Variants in HESX1 observed in about 807,000 individuals in gnomAD.
HESX1 encodes homeobox expressed in ES cells 1.
A neutral mutation model predicts 22.5 loss-of-function variants in HESX1; 11 were observed. That is an observed-to-expected ratio of 0.49 (90% CI 0.31 to 0.81). The LOEUF is 0.81. Among genes scored for constraint, HESX1 ranks in the 30% least tolerant of loss-of-function variants. The pLI is 0.05. For synonymous variants in HESX1, 74 were observed against 76.5 expected (o/e 0.97, Z 0.17); for missense variants, 201 against 212.6 (o/e 0.95, Z 0.34).
At chr3:57,201,228 G>A (rs757956514), upstream of HESX1, among the ~76,000 whole-genome samples, 3 of 152,042 alleles carry the variant, frequency 2.0e-5, no homozygotes, top group Non-Finnish European at 2.9e-5. Context: ...GAAAGCTCTC[G>A]GGTAAATAAA....
rs374187836 is a variant in HESX1, at chr3:57,198,927, A to G, written c.183T>C (p.His61=). 3.9e-4 allele frequency: 631 copies of G among 1,614,144 alleles called. 12 individuals are homozygous for G. In the South Asian group the frequency reaches 6.5e-3, roughly 17 times the overall value. The stretch of plus-strand genomic sequence containing the variant: ...AAATCCCACTGGGAGGATTTGGGAC[A>G]TGTAGACATAAGTTACCATCTTTCC... ...SSGKDGNLCL[H]VPNPPSGISF... Residue 61 remains histidine, a synonymous_variant, in exon 2 of 4, where the codon CAT becomes CAC. Transcript: ENST00000295934.
upstream of HESX1, among the ~76,000 whole-genome samples, chr3:57,204,288 T>C (rs2060507499): frequency 6.6e-6 from 1 of 152,212 alleles, no homozygotes; most frequent in Non-Finnish European, 1.5e-5. Flanking sequence ...AGAGTAGCTG[T>C]TGACAACAGG....
chr3:57,226,561 C>G (rs1346752053), upstream of HESX1: 1 of 152,154 alleles, frequency 6.6e-6, no homozygotes, highest in Non-Finnish European at 1.5e-5. Context: ...CTCAACAAAA[C>G]TTTAAAAATA....
At chr3:57,211,688 C>A (rs996828874) in intron 1 of HESX1, among the ~76,000 whole-genome samples, 1 of 151,876 alleles carries the variant, frequency 6.6e-6, no homozygotes, top group Non-Finnish European at 1.5e-5. Context: ...CAAAAATTAG[C>A]CGGACGTAGT....
intron 1 of HESX1, among the ~76,000 whole-genome samples, chr3:57,205,005 T>A (rs770322487): frequency 6.6e-6 from 1 of 152,072 alleles, no homozygotes; most frequent in Non-Finnish European, 1.5e-5. Flanking sequence ...TACAATAGCA[T>A]CTCTAGTGGT....
upstream of HESX1, chr3:57,200,009 T>G: frequency 9.1e-7 from 1 of 1,101,954 alleles, no homozygotes; most frequent in Admixed American, 1.7e-5. Context: ...GTTCACCTTA[T>G]AGCTCCGCTG....
intron 1 of HESX1, among the ~76,000 whole-genome samples, chr3:57,208,998 T>G (rs2060536146): frequency 2.0e-5 from 3 of 151,948 alleles, no homozygotes; most frequent in African/African-American, 7.2e-5. Context: ...ATAAAATGGA[T>G]GGATGGATAA....
chr3:57,198,830 A>C lies in HESX1; in HGVS notation c.280T>G (p.Ser94Ala). Residue 94 changes from serine (S) to alanine (A), a missense_variant, in exon 2 of 4, where the codon TCA becomes GCA. Physicochemically the swap from Ser to Ala is moderately conservative, Grantham distance 99. Coordinates refer to ENST00000295934, the MANE Select transcript of HESX1 (RefSeq NM_003865.3). Reference protein sequence around the residue: ...ASKYENYFSASERLSLKRELS... With the variant: ...ASKYENYFSAAERLSLKRELS... The stretch of plus-strand genomic sequence containing the variant: ...TCTCTTTTCAAAGACAGTCTTTCTG[A>C]GGCTGAAAAGTAATTTTCATATTTC... 1 of 1,614,148 alleles carries C rather than the reference A, an allele frequency of 6.2e-7. No individual in the cohort carries two copies. Among genetic ancestry groups the C allele is most frequent in the Non-Finnish European group, 8.5e-7 (1 of 1,180,016 alleles).
intron 1 of HESX1, among the ~76,000 whole-genome samples, chr3:57,209,664 T>G (rs1329121760): frequency 1.0e-5 from 1 of 95,612 alleles, no homozygotes; most frequent in African/African-American, 4.2e-5. Flanking sequence ...AGAGTAAAGC[T>G]CCATCTCAAA....
chr3:57,206,921 C>T (rs1297602685), intron 1 of HESX1, among the ~76,000 whole-genome samples: 1 of 152,118 alleles, frequency 6.6e-6, no homozygotes, highest in African/African-American at 2.4e-5. Context: ...GCTAGTTGTC[C>T]ACCAATATCC....
rs1269111624 is a variant in HESX1, at chr3:57,198,075, G to GA, written c.*121dup. 1.5e-5 allele frequency: 11 copies of GA among 749,412 alleles called. No homozygotes were observed. Among genetic ancestry groups the GA allele is most frequent in the Admixed American group, 1.4e-4 (6 of 43,654 alleles). 46.4% of individuals were successfully genotyped at this position (749,412 alleles called of 1,614,324 possible). A position where few individuals can be genotyped will look rare whatever the true frequency, so the allele number is the denominator to read the frequency against. ...TAATAGTATTTACAATATATTTTCA[G>GA]AAAAAATGACAATATTCAGATTAAA... is the stretch of plus-strand genomic sequence containing the variant. On this transcript the variant is annotated 3_prime_UTR_variant, in exon 4 of 4. Transcript: ENST00000295934.
At chr3:57,219,295 G>T (rs62251988) in intron 1 of HESX1, among the ~76,000 whole-genome samples, 27,483 of 152,004 alleles carry the variant, frequency 0.18, 2,779 homozygotes, top group African/African-American at 0.24. Context: ...CAATGATATT[G>T]GGTTATTTTT....
chr3:57,207,846 G>A (rs768939434), intron 1 of HESX1, among the ~76,000 whole-genome samples: 56 of 152,134 alleles, frequency 3.7e-4, no homozygotes, highest in Non-Finnish European at 1.0e-4. Context: ...AAGTTAAAGA[G>A]CATTTTGGGT....
chr3:57,220,898 C>T (rs1370762692), intron 1 of HESX1, among the ~76,000 whole-genome samples: 2 of 152,176 alleles, frequency 1.3e-5, no homozygotes, highest in Non-Finnish European at 2.9e-5. Context: ...CCTTTCTTTA[C>T]ACCTCAGGCT....
chr3:57,227,522 G>C (rs2060655065), upstream of HESX1, among the ~76,000 whole-genome samples: 1 of 152,228 alleles, frequency 6.6e-6, no homozygotes, highest in Non-Finnish European at 1.5e-5. Flanking sequence ...ACGGTCCCCT[G>C]CGATTTAGAT....
intron 1 of HESX1, among the ~76,000 whole-genome samples, chr3:57,211,709 T>G (rs779498224): frequency 1.3e-5 from 2 of 151,728 alleles, no homozygotes; most frequent in Non-Finnish European, 2.9e-5. Context: ...GGCAAGCACC[T>G]ATAATCCTAG....
At chr3:57,226,711 C>T (rs1245966085), upstream of HESX1, among the ~76,000 whole-genome samples, 1 of 152,168 alleles carries the variant, frequency 6.6e-6, no homozygotes, top group Non-Finnish European at 1.5e-5. Context: ...AACCAGGCAG[C>T]TAATTAATCT....
At chr3:57,212,665 T>C (rs2060562252) in intron 1 of HESX1, among the ~76,000 whole-genome samples, 1 of 151,808 alleles carries the variant, frequency 6.6e-6, no homozygotes, top group Non-Finnish European at 1.5e-5. Flanking sequence ...GAGAAAAATA[T>C]GATAGTCTCC....
At chr3:57,211,989 A>T (rs562223628) in intron 1 of HESX1, among the ~76,000 whole-genome samples, 20 of 152,124 alleles carry the variant, frequency 1.3e-4, no homozygotes, top group Non-Finnish European at 2.6e-4. Flanking sequence ...GGAGAGCAAG[A>T]TCTGTTTCAT....
Sources: allele counts gnomAD v4.1 joint callset (sites outside exome capture counted in the v4.1 genomes callset), GRCh38; gene constraint gnomAD v4.1.1; transcripts MANE v1.5; gene names NCBI Gene and HGNC (gene_info 2026-07-23, HGNC 2026-07-21).